The following CNOT2 variants were observed in gnomAD, a reference collection of about 807,000 sequenced individuals.
The protein encoded by CNOT2 is CC chemokine receptor 4-negative regulator of transcription 2.
A neutral mutation model predicts 72.1 loss-of-function variants in CNOT2; 7 were observed. The observed-to-expected ratio is 0.10, with a 90% CI of 0.06 to 0.18. The LOEUF (loss-of-function observed/expected upper bound fraction) is 0.18. CNOT2 is among the 10% of genes least tolerant of loss of function. The pLI is 1.00. For missense variants in CNOT2, 345 were observed against 660.3 expected (o/e 0.52, Z 5.23); for synonymous variants, 196 against 225.6 (o/e 0.87, Z 1.17).
intron 15 of CNOT2, among the ~76,000 whole-genome samples, chr12:70,351,962 G>A (rs1565842727): frequency 6.6e-6 from 1 of 152,108 alleles, no homozygotes; most frequent in Non-Finnish European, 1.5e-5. Context: ...TACTGTACCA[G>A]TCACATGAAG....
chr12:70,256,254 T>A (rs1958432265), intron 1 of CNOT2, among the ~76,000 whole-genome samples: 1 of 152,160 alleles, frequency 6.6e-6, no homozygotes, highest in African/African-American at 2.4e-5. Context: ...TAATACTATT[T>A]CAAAATAGTT....
At chr12:70,353,368 C>G (rs550124573) in intron 15 of CNOT2, among the ~76,000 whole-genome samples, 3 of 152,052 alleles carry the variant, frequency 2.0e-5, no homozygotes, top group East Asian at 3.9e-4. Flanking sequence ...AGCCACTGTG[C>G]GCGGCCCTGC....
chr12:70,272,177 A>G (rs952634486), intron 1 of CNOT2, among the ~76,000 whole-genome samples: 2 of 152,346 alleles, frequency 1.3e-5, no homozygotes, highest in South Asian at 4.1e-4. Flanking sequence ...TGCTTCATTT[A>G]TTCAGTAAAA....
intron 2 of CNOT2, among the ~76,000 whole-genome samples, chr12:70,280,161 T>A (rs547223998): frequency 6.6e-6 from 1 of 152,314 alleles, no homozygotes; most frequent in South Asian, 2.1e-4. Flanking sequence ...ATATTCATCA[T>A]AATACCAAAC....
chr12:70,352,313 T>C (rs1882971972), intron 15 of CNOT2, among the ~76,000 whole-genome samples: 1 of 152,214 alleles, frequency 6.6e-6, no homozygotes. Context: ...ATGAAAATAA[T>C]GATATCTGCT....
intron 15 of CNOT2, among the ~76,000 whole-genome samples, chr12:70,347,032 AT>A (rs1252216412): frequency 1.5e-5 from 2 of 133,554 alleles, no homozygotes; most frequent in Admixed American, 1.7e-4. Context: ...TCCACTCTAT[AT>A]ATTATTCTCC....
chr12:70,251,031 C>T (rs549809231), intron 1 of CNOT2, among the ~76,000 whole-genome samples: 25 of 152,174 alleles, frequency 1.6e-4, no homozygotes, highest in African/African-American at 5.8e-4. Flanking sequence ...GTCTGGAGTA[C>T]TGGAAAATGA....
At chr12:70,249,152 T>C (rs1170498128) in intron 1 of CNOT2, among the ~76,000 whole-genome samples, 1 of 152,056 alleles carries the variant, frequency 6.6e-6, no homozygotes, top group Admixed American at 6.5e-5. Context: ...TTGTGTCATA[T>C]CTGGCAAGAA....
intron 1 of CNOT2, among the ~76,000 whole-genome samples, chr12:70,275,089 C>T (rs530181724): frequency 6.6e-6 from 1 of 152,162 alleles, no homozygotes; most frequent in Admixed American, 6.5e-5. Flanking sequence ...AACCTTCTAA[C>T]ATGGCTGTAC....
intron 4 of CNOT2, among the ~76,000 whole-genome samples, chr12:70,325,091 A>C (rs1378761231): frequency 6.6e-6 from 1 of 151,888 alleles, no homozygotes; most frequent in Non-Finnish European, 1.5e-5. Context: ...GTAGTCTTTT[A>C]TATCTCTAGA....
chr12:70,294,149 C>T (rs967375259), intron 2 of CNOT2: 5 of 1,288,938 alleles, frequency 3.9e-6, no homozygotes, highest in Admixed American at 2.3e-5. Flanking sequence ...AGAGCTATGG[C>T]GTCAACCCTG....
intron 1 of CNOT2, among the ~76,000 whole-genome samples, chr12:70,260,501 C>T (rs902154247): frequency 1.3e-5 from 2 of 152,004 alleles, no homozygotes; most frequent in African/African-American, 4.8e-5. Flanking sequence ...AACCTTGTTG[C>T]ACTTGTTTAC....
At chr12:70,260,825 T>G (rs921629652) in intron 1 of CNOT2, among the ~76,000 whole-genome samples, 1 of 151,838 alleles carries the variant, frequency 6.6e-6, no homozygotes, top group African/African-American at 2.4e-5. Context: ...GTAGTTTCAC[T>G]TCTTCTTTTC....
At chr12:70,247,502 G>T (rs1027591516) in intron 1 of CNOT2, among the ~76,000 whole-genome samples, 1 of 152,044 alleles carries the variant, frequency 6.6e-6, no homozygotes, top group Admixed American at 6.6e-5. Flanking sequence ...GTGTGTGGGG[G>T]GCAGGTGGTA....
At chr12:70,286,369 G>A (rs1870899615) in intron 2 of CNOT2, among the ~76,000 whole-genome samples, 1 of 142,292 alleles carries the variant, frequency 7.0e-6, no homozygotes, top group Non-Finnish European at 1.5e-5. Flanking sequence ...ATTCTTCATA[G>A]TCTTTTAAAA....
Position 70,319,282 on chromosome 12 carries a change from A to G in CNOT2, c.172-16A>G. On this transcript the variant is annotated splice_polypyrimidine_tract_variant and intron_variant, in intron 3 of 15. Coordinates refer to ENST00000229195, the MANE Select transcript of CNOT2 (RefSeq NM_014515.7). ...TCTGTTTTCTTTATGCTCTAATATA[A>G]TTAATTTGTTTCTAGATGCTGGCAT... is the stretch of plus-strand genomic sequence containing the variant. The G allele has an allele frequency of 6.2e-7, 1 of 1,607,652 alleles. No individual in the cohort carries two copies. The highest frequency in any genetic ancestry group is 1.1e-5 in the South Asian group (1 of 90,404).
intron 1 of CNOT2, among the ~76,000 whole-genome samples, chr12:70,272,033 G>A (rs751437426): frequency 6.6e-6 from 1 of 152,160 alleles, no homozygotes; most frequent in Non-Finnish European, 1.5e-5. Flanking sequence ...GATTTGGCAG[G>A]AACTAACTTT....
intron 15 of CNOT2, among the ~76,000 whole-genome samples, chr12:70,350,768 T>C (rs187201082): frequency 6.2e-4 from 95 of 152,330 alleles, no homozygotes; most frequent in African/African-American, 2.2e-3. Context: ...TTTATATGTA[T>C]AAATATTCCA....
At chr12:70,314,393 T>A (rs567086099) in intron 3 of CNOT2, among the ~76,000 whole-genome samples, 127 of 148,342 alleles carry the variant, frequency 8.6e-4, no homozygotes, top group African/African-American at 3.0e-3. Flanking sequence ...CATGAAGGAT[T>A]TTTTTTTTTT....
Sources: allele counts gnomAD v4.1 joint callset (sites outside exome capture counted in the v4.1 genomes callset), GRCh38; gene constraint gnomAD v4.1.1; transcripts MANE v1.5; gene names NCBI Gene and HGNC (gene_info 2026-07-23, HGNC 2026-07-21).